ZDHHC14: variants seen among roughly 807,000 people sequenced by gnomAD.
The protein encoded by ZDHHC14 is zDHHC palmitoyltransferase 14, also known as palmitoyltransferase ZDHHC14.
In ZDHHC14, 16 loss-of-function variants were observed where a neutral mutation model predicts 47.7. That is an observed-to-expected ratio of 0.34 (90% CI 0.23 to 0.51). The LOEUF (loss-of-function observed/expected upper bound fraction) is 0.51, where lower values mean the gene tolerates loss of function less well. ZDHHC14 is among the 20% of genes least tolerant of loss of function. The pLI is 0.97. For missense variants in ZDHHC14, 515 were observed against 662.5 expected, an observed-to-expected ratio of 0.78 and a Z score of 2.44; for synonymous variants, 293 against 278.9, an observed-to-expected ratio of 1.05 and a Z score of -0.50.
At chr6:157,479,723 A>G (rs139235601) in intron 1 of ZDHHC14, among the ~76,000 whole-genome samples, 175 of 152,348 alleles carry the variant, frequency 1.1e-3, no homozygotes, top group African/African-American at 4.2e-3. Flanking sequence ...AAGGGAAAGA[A>G]TTCACTCGAT....
At chr6:157,440,020 G>A (rs1778530610) in intron 1 of ZDHHC14, among the ~76,000 whole-genome samples, 1 of 152,130 alleles carries the variant, frequency 6.6e-6, no homozygotes, top group South Asian at 2.1e-4. Context: ...TGGGGTGTGG[G>A]AGGAGGGAGA....
At chr6:157,650,043 G>T in intron 7 of ZDHHC14, among the ~76,000 whole-genome samples, 1 of 151,348 alleles carries the variant, frequency 6.6e-6, no homozygotes, top group Non-Finnish European at 1.5e-5. Flanking sequence ...GCACGGGAGA[G>T]GGGCTGGCTC....
intron 1 of ZDHHC14, among the ~76,000 whole-genome samples, chr6:157,388,475 T>C (rs1777361208): frequency 1.3e-5 from 2 of 152,098 alleles, no homozygotes; most frequent in African/African-American, 4.8e-5. Context: ...AAATTAAGAG[T>C]TGCAAGGAAG....
chr6:157,521,427 G>A (rs1253274346), intron 1 of ZDHHC14, among the ~76,000 whole-genome samples: 2 of 152,208 alleles, frequency 1.3e-5, no homozygotes, highest in East Asian at 3.8e-4. Context: ...ATACCAGGCC[G>A]TGGGTAGCTC....
chr6:157,617,778 A>C (rs756220968), intron 3 of ZDHHC14, among the ~76,000 whole-genome samples: 2 of 152,174 alleles, frequency 1.3e-5, no homozygotes, highest in Non-Finnish European at 2.9e-5. Flanking sequence ...GAGCTGGAAA[A>C]GGCGGTGGGC....
intron 1 of ZDHHC14, among the ~76,000 whole-genome samples, chr6:157,470,622 C>T (rs1179311346): frequency 2.6e-5 from 4 of 152,118 alleles, no homozygotes; most frequent in Non-Finnish European, 5.9e-5. Flanking sequence ...TATGAATGTT[C>T]TGCAATGTTA....
At chr6:157,504,366 T>C (rs893915468) in intron 1 of ZDHHC14, among the ~76,000 whole-genome samples, 6 of 151,566 alleles carry the variant, frequency 4.0e-5, no homozygotes, top group African/African-American at 1.5e-4. Context: ...TTTACCGTGG[T>C]CTCGATCTCC....
rs549233145 is a variant in ZDHHC14 at position 157,457,194 on chromosome 6, A to G, written c.245+74928A>G. On this transcript the variant is annotated intron_variant, in intron 1 of 8. Coordinates refer to ENST00000359775, the MANE Select transcript of ZDHHC14 (RefSeq NM_024630.3). ...CATCTAAAAAAAAAAAAAAAAAAAGACCGAGTTGGGATGGGCACTTTTTTG... is the reference window on the plus strand; with the variant it reads ...CATCTAAAAAAAAAAAAAAAAAAAGGCCGAGTTGGGATGGGCACTTTTTTG... Among the ~76,000 whole-genome samples, 741 of 137,060 alleles carry G rather than the reference A, an allele frequency of 5.4e-3. 12 individuals are homozygous for G. The highest frequency in any genetic ancestry group is 0.019 in the African/African-American group (711 of 37,144). The allele number at this position is 137,060 out of a possible 152,430, so 89.9% of individuals were successfully genotyped here.
chr6:157,460,405 G>GAAAA (rs1164382844), intron 1 of ZDHHC14, among the ~76,000 whole-genome samples: 18 of 43,382 alleles, frequency 4.1e-4, no homozygotes, highest in East Asian at 2.2e-3. Context: ...TCTCTCTCTG[G>GAAAA]AAAAAAAAAA....
At chr6:157,495,015 G>C (rs1202530228) in intron 1 of ZDHHC14, among the ~76,000 whole-genome samples, 4 of 151,548 alleles carry the variant, frequency 2.6e-5, no homozygotes, top group Non-Finnish European at 4.4e-5. Flanking sequence ...TGACAGCTGT[G>C]TTATGCCACT....
chr6:157,473,566 C>T (rs144541844), intron 1 of ZDHHC14, among the ~76,000 whole-genome samples: 4 of 152,182 alleles, frequency 2.6e-5, no homozygotes, highest in Admixed American at 2.0e-4. Context: ...GAAGTATTTT[C>T]GATTTGGGAG....
rs1432526812 is a variant in ZDHHC14 at position 157,382,150 on chromosome 6, C to T, written c.129C>T (p.Phe43=). ...KIAARRKWEV[F]PGRNKFFCNG... ...CGGCCCGGAGGAAATGGGAGGTGTT[C>T]CCGGGAAGAAACAAGTTCTTCTGTA... The change falls in exon 1 of 9, where the codon TTC becomes TTT. Residue 43 remains phenylalanine, a synonymous_variant. Coordinates refer to ENST00000359775, the MANE Select transcript of ZDHHC14 (RefSeq NM_024630.3). 6.2e-7 allele frequency: 1 copy of T among 1,613,566 alleles called. No homozygotes were observed. Among genetic ancestry groups the T allele is most frequent in the Non-Finnish European group, 8.5e-7 (1 of 1,179,852 alleles).
chr6:157,665,252 T>A (rs1322232762), intron 8 of ZDHHC14, among the ~76,000 whole-genome samples: 1 of 152,212 alleles, frequency 6.6e-6, no homozygotes, highest in Non-Finnish European at 1.5e-5. Flanking sequence ...AGAGAAGCTT[T>A]GTCTCTATAA....
intron 3 of ZDHHC14, among the ~76,000 whole-genome samples, chr6:157,617,232 T>C (rs1785002260): frequency 6.6e-6 from 1 of 152,192 alleles, no homozygotes; most frequent in African/African-American, 2.4e-5. Flanking sequence ...AGTACGGTGG[T>C]ACATATTTGC....
intron 1 of ZDHHC14, among the ~76,000 whole-genome samples, chr6:157,465,925 C>T (rs376720297): frequency 1.3e-5 from 2 of 152,226 alleles, no homozygotes; most frequent in East Asian, 3.9e-4. Context: ...GCCTGTAATC[C>T]CAGCTACTCG....
intron 1 of ZDHHC14, among the ~76,000 whole-genome samples, chr6:157,492,212 C>A (rs1347314547): frequency 2.0e-5 from 3 of 147,536 alleles, no homozygotes; most frequent in Admixed American, 1.3e-4. Flanking sequence ...CCCCGCCCCC[C>A]AGCCACTGTA....
At chr6:157,607,304 C>T (rs1327791778) in intron 3 of ZDHHC14, among the ~76,000 whole-genome samples, 3 of 152,102 alleles carry the variant, frequency 2.0e-5, no homozygotes, top group South Asian at 2.1e-4. Context: ...TCTCTCCACC[C>T]AACCAAGGAA....
chr6:157,653,883 C>A (rs1222037982), intron 8 of ZDHHC14, among the ~76,000 whole-genome samples: 1 of 152,176 alleles, frequency 6.6e-6, no homozygotes, highest in African/African-American at 2.4e-5. Context: ...AGCTGTCTGC[C>A]AAAACAGCTT....
intron 3 of ZDHHC14, among the ~76,000 whole-genome samples, chr6:157,600,363 A>G (rs1784294443): frequency 1.3e-5 from 2 of 152,210 alleles, no homozygotes; most frequent in Non-Finnish European, 2.9e-5. Context: ...AGGTCAAAAG[A>G]TAAAAGGTAT....
Sources: gnomAD v4.1 joint callset for allele counts (sites outside exome capture counted in the v4.1 genomes callset) on GRCh38, gnomAD v4.1.1 for gene constraint, MANE v1.5 for transcripts, NCBI Gene and HGNC (gene_info 2026-07-23, HGNC 2026-07-21) for gene names.